The following ECHS1 variants were observed in gnomAD, a reference collection of about 807,000 sequenced individuals.
The protein encoded by ECHS1 is enoyl-CoA hydratase, mitochondrial.
ECHS1 carries 19 observed loss-of-function variants against 33.5 expected under a neutral mutation model. The observed-to-expected ratio is 0.57, with a 90% CI of 0.40 to 0.83. The LOEUF (loss-of-function observed/expected upper bound fraction) is 0.83, where lower values mean the gene tolerates loss of function less well. Ranked by LOEUF, ECHS1 falls within the 40% of genes least tolerant of loss-of-function variation. ECHS1 has a pLI of 0.00. For missense variants in ECHS1, 365 were observed against 381.3 expected (o/e 0.96, Z 0.36); for synonymous variants, 158 against 146.6 (o/e 1.08, Z -0.56).
chr10:133,370,917 C>G lies in ECHS1; in HGVS notation c.89-160G>C, dbSNP rs7894051. Among the ~76,000 whole-genome samples the G allele has an allele frequency of 0.89, 134,683 of 152,184 alleles. 60,482 individuals are homozygous for G. Among genetic ancestry groups the G allele is most frequent in the East Asian group, 1 (5,176 of 5,176 alleles). ...CAGTGGCTCCAGGTGTAGCTCTCAG[C>G]CACAAGGATAGATGGTAGCCTTGGT... On this transcript the variant is annotated intron_variant, in intron 1 of 7. Transcript: ENST00000368547.
intron 2 of ECHS1, 141 bp from the exon 3 acceptor site, chr10:133,370,172 T>C: frequency 8.3e-7 from 1 of 1,200,496 alleles, no homozygotes; most frequent in East Asian, 2.5e-5. Flanking sequence ...CCAGGCCACG[T>C]GGACAGCTGT....
chr10:133,363,355 G>GCA (rs906664996), intron 7 of ECHS1, among the ~76,000 whole-genome samples: 3,170 of 144,950 alleles, frequency 0.022, 87 homozygotes, highest in African/African-American at 0.066. Context: ...GTGCGCGCGC[G>GCA]CACACACACA....
intron 1 of ECHS1, among the ~76,000 whole-genome samples, chr10:133,373,044 C>CG (rs1166691049): frequency 6.5e-5 from 2 of 30,604 alleles, no homozygotes; most frequent in African/African-American, 1.4e-4. Context: ...CGGGGTCAGG[C>CG]GGGGGGGTGC....
rs772882273 is a variant in ECHS1 at position 133,370,611 on chromosome 10, C to T, written c.235G>A (p.Asp79Asn). The T allele has an allele frequency of 1.2e-6, 2 of 1,611,596 alleles. No homozygotes were observed. The highest frequency in any genetic ancestry group is 1.7e-6 in the Non-Finnish European group (2 of 1,179,368). Residue 79 changes from aspartate to asparagine, a missense_variant, in exon 2 of 8, where the codon GAC becomes AAC. Asp to Asn is a conservative substitution (Grantham distance 23). Transcript: ENST00000368547. ...LNQALKTFEE[D>N]PAVGAIVLTG... ...AGGACAATGGCCCCCACGGCCGGGT[C>T]CTCCTCGAAGGTCTTCAGGGCCTGG...
chr10:133,366,076 A>G lies in ECHS1; in HGVS notation c.639T>C (p.Cys213=), dbSNP rs11542966. 1 of 1,613,744 alleles carries G rather than the reference A, an allele frequency of 6.2e-7. No individual in the cohort carries two copies. Among genetic ancestry groups the G allele is most frequent in the Non-Finnish European group, 8.5e-7 (1 of 1,179,972 alleles). ...CTTCTTCCACCAGTGTCTCAACAGG[A>G]CAAATCTTGCTGACAAGACCTGAAA... ...AKQAGLVSKI[C]PVETLVEEAI... The change falls in exon 6 of 8, where the codon TGT becomes TGC. Residue 213 remains cysteine (C), a synonymous_variant. Coordinates refer to ENST00000368547, the MANE Select transcript of ECHS1 (RefSeq NM_004092.4).
chr10:133,373,351 G>GC lies in ECHS1; in HGVS notation c.-19dup. 6.7e-7 allele frequency: 1 copy of GC among 1,490,314 alleles called. No individual in the cohort carries two copies. Among genetic ancestry groups the GC allele is most frequent in the Non-Finnish European group, 8.9e-7 (1 of 1,126,552 alleles). The allele number at this position is 1,490,314 out of a possible 1,614,324, so 92.3% of individuals were successfully genotyped here. On this transcript the variant is annotated 5_prime_UTR_variant, in exon 1 of 8. Transcript: ENST00000368547. ...GCGGCCATGGCTCTCTGGACTCCTC[G>GC]CCCGGCCCCGCGGAGCCGCCCCCTC...
At chr10:133,369,081 T>C in intron 3 of ECHS1, 59 bp from the exon 4 acceptor site, 2 of 1,515,122 alleles carry the variant, frequency 1.3e-6, no homozygotes, top group African/African-American at 1.4e-5. Context: ...GAAATCACTC[T>C]GCTTGCTTAT....
intron 3 of ECHS1, among the ~76,000 whole-genome samples, 185 bp downstream of exon 3, chr10:133,369,719 A>G (rs1564804914): frequency 6.6e-6 from 1 of 152,196 alleles, no homozygotes; most frequent in Admixed American, 6.5e-5. Context: ...ACAGCCACGA[A>G]AAAAGCAGAT....
chr10:133,371,947 C>T (rs1452893324), intron 1 of ECHS1, among the ~76,000 whole-genome samples: 1 of 152,186 alleles, frequency 6.6e-6, no homozygotes, highest in Non-Finnish European at 1.5e-5. Context: ...CGGTCACACA[C>T]CACCACACCT....
Position 133,370,476 on chromosome 10 carries a change from G to A in ECHS1, c.286+84C>T, listed in dbSNP as rs34349355. 0.11 allele frequency: 145,040 copies of A among 1,364,524 alleles called. 8,284 individuals are homozygous for A. The highest frequency in any genetic ancestry group is 0.16 in the Admixed American group (5,100 of 32,328). 84.5% of individuals were successfully genotyped at this position (1,364,524 alleles called of 1,614,324 possible). On this transcript the variant is annotated intron_variant, in intron 2 of 7. Coordinates refer to ENST00000368547, the MANE Select transcript of ECHS1 (RefSeq NM_004092.4). The stretch of plus-strand genomic sequence containing the variant: ...CGCATGCCTCTGCCATCACAGAGGC[G>A]CAAATCTGTCTGGAGGCTTCTCCCA...
rs1848981889 is a variant in ECHS1, at chr10:133,362,794, T to C, written c.*74A>G. 6.6e-7 allele frequency: 1 copy of C among 1,509,648 alleles called. No homozygotes were observed. The highest frequency in any genetic ancestry group is 1.4e-5 in the African/African-American group (1 of 72,656). The allele number at this position is 1,509,648 out of a possible 1,614,324, so 93.5% of individuals were successfully genotyped here. A position where few individuals can be genotyped will look rare whatever the true frequency, so the allele number is the denominator to read the frequency against. On this transcript the variant is annotated 3_prime_UTR_variant, in exon 8 of 8. Transcript: ENST00000368547. Reference sequence around the variant, plus strand: ...GACACTGCTCTTGAAAAGAGGATGATTTACTTGCTTCTAAAACTGACAGGC... The same window carrying C: ...GACACTGCTCTTGAAAAGAGGATGACTTACTTGCTTCTAAAACTGACAGGC...
At chr10:133,368,876 G>A (rs778409987) in intron 4 of ECHS1, 47 bp downstream of exon 4, 2 of 1,563,652 alleles carry the variant, frequency 1.3e-6, no homozygotes, top group Non-Finnish European at 1.8e-6. Context: ...GGCAGATTTT[G>A]AGTAATTACC....
intron 1 of ECHS1, among the ~76,000 whole-genome samples, chr10:133,372,478 G>A (rs1291613837): frequency 6.6e-6 from 1 of 152,186 alleles, no homozygotes; most frequent in Non-Finnish European, 1.5e-5. Flanking sequence ...AGGACAAAAT[G>A]CACCTGCATC....
chr10:133,364,625 G>C (rs749352934), intron 7 of ECHS1, 33 bp downstream of exon 7: 2 of 1,538,990 alleles, frequency 1.3e-6, no homozygotes, highest in Admixed American at 3.4e-5. Flanking sequence ...ACTGGAATTT[G>C]CTTGATTCTC....
chr10:133,370,588 G>T lies in ECHS1; in HGVS notation c.258C>A (p.Val86=). The change falls in exon 2 of 8, where the codon GTC becomes GTA. Residue 86 remains valine, a synonymous_variant. Coordinates refer to ENST00000368547, the MANE Select transcript of ECHS1 (RefSeq NM_004092.4). ...FEEDPAVGAI[V]LTGGDKAFAA... The stretch of plus-strand genomic sequence containing the variant: ...CAAAGGCCTTATCCCCGCCGGTGAG[G>T]ACAATGGCCCCCACGGCCGGGTCCT... 1 of 1,606,364 alleles carries T rather than the reference G, an allele frequency of 6.2e-7. No individual in the cohort carries two copies. The highest frequency in any genetic ancestry group is 1.7e-5 in the Admixed American group (1 of 58,604).
intron 6 of ECHS1, among the ~76,000 whole-genome samples, chr10:133,365,529 G>A (rs1324025911): frequency 2.6e-5 from 4 of 152,256 alleles, no homozygotes; most frequent in African/African-American, 9.6e-5. Context: ...GGCAGAGGGA[G>A]AACTAAAAGG....
intron 7 of ECHS1, 66 bp downstream of exon 7, chr10:133,364,592 G>A: frequency 7.7e-7 from 1 of 1,293,278 alleles, no homozygotes; most frequent in Non-Finnish European, 1.1e-6. Flanking sequence ...AAATTTAAAA[G>A]GAAATTCCCA....
chr10:133,369,859 T>C, intron 3 of ECHS1, 45 bp downstream of exon 3: 2 of 1,608,536 alleles, frequency 1.2e-6, no homozygotes, highest in South Asian at 2.2e-5. Context: ...CACAGCACGG[T>C]TCCTTCAACC....
intron 7 of ECHS1, among the ~76,000 whole-genome samples, chr10:133,363,355 GCACACACACACACACA>G (rs906664996): frequency 6.9e-6 from 1 of 144,888 alleles, no homozygotes; most frequent in Admixed American, 6.7e-5. Context: ...GTGCGCGCGC[GCACACACACACACACA>G]CACACACACA....
Sources: allele counts gnomAD v4.1 joint callset (sites outside exome capture counted in the v4.1 genomes callset), GRCh38; gene constraint gnomAD v4.1.1; transcripts MANE v1.5; gene names NCBI Gene and HGNC (gene_info 2026-07-23, HGNC 2026-07-21).